Variants in PLPPR1 observed in about 807,000 individuals in gnomAD.
PLPPR1 encodes phospholipid phosphatase related 1, also known as phospholipid phosphatase-related protein type 1.
Under a neutral mutation model 33.1 loss-of-function variants are expected in PLPPR1, and 10 were observed. The ratio of observed to expected loss-of-function variants is 0.30; its 90% CI spans 0.19 to 0.51. PLPPR1 has a LOEUF of 0.51. PLPPR1 is among the 20% of genes least tolerant of loss of function. The pLI is 0.97. For synonymous variants in PLPPR1, 151 were observed against 151.0 expected (o/e 1.00, Z 0.00); for missense variants, 304 against 408.1 (o/e 0.74, Z 2.20).
chr9:101,154,995 A>T (rs1261440781), intron 1 of PLPPR1, among the ~76,000 whole-genome samples: 6 of 150,998 alleles, frequency 4.0e-5, no homozygotes, highest in Admixed American at 4.0e-4. Flanking sequence ...TAGCATTAGG[A>T]GATATACGTA....
At chr9:101,193,602 GT>G (rs973099985) in intron 2 of PLPPR1, among the ~76,000 whole-genome samples, 71 of 152,144 alleles carry the variant, frequency 4.7e-4, no homozygotes, top group African/African-American at 1.7e-3. Context: ...GATTTTTTAT[GT>G]CCCCAAAATT....
At chr9:101,080,905 C>T (rs1292897310) in intron 1 of PLPPR1, among the ~76,000 whole-genome samples, 1 of 152,214 alleles carries the variant, frequency 6.6e-6, no homozygotes, top group South Asian at 2.1e-4. Context: ...TCTTCTAACA[C>T]ATCTTCCTGT....
At chr9:101,071,786 G>A (rs1047863139) in intron 1 of PLPPR1, among the ~76,000 whole-genome samples, 2 of 152,148 alleles carry the variant, frequency 1.3e-5, no homozygotes, top group African/African-American at 4.8e-5. Flanking sequence ...TAAATACTAT[G>A]TCAGGAATAG....
intron 2 of PLPPR1, among the ~76,000 whole-genome samples, chr9:101,243,628 G>T (rs1361472717): frequency 6.6e-6 from 1 of 151,888 alleles, no homozygotes; most frequent in Non-Finnish European, 1.5e-5. Flanking sequence ...GGAACATTAT[G>T]GTTCAGATTG....
At chr9:101,201,975 T>A (rs1826502041) in intron 2 of PLPPR1, among the ~76,000 whole-genome samples, 1 of 152,202 alleles carries the variant, frequency 6.6e-6, no homozygotes, top group Non-Finnish European at 1.5e-5. Context: ...GAAATTAGCA[T>A]ACTTTGACAT....
At chr9:101,120,976 G>A (rs186304231) in intron 1 of PLPPR1, among the ~76,000 whole-genome samples, 4 of 152,194 alleles carry the variant, frequency 2.6e-5, no homozygotes, top group Non-Finnish European at 4.4e-5. Flanking sequence ...CCTAAAGATT[G>A]ATGGGGCTGA....
chr9:101,274,051 T>A (rs1828145009), intron 3 of PLPPR1, among the ~76,000 whole-genome samples: 1 of 152,204 alleles, frequency 6.6e-6, no homozygotes, highest in Non-Finnish European at 1.5e-5. Context: ...ATGACACAAA[T>A]TGAAATGTAG....
intron 1 of PLPPR1, among the ~76,000 whole-genome samples, chr9:101,115,512 G>A (rs1281305558): frequency 6.6e-6 from 1 of 152,208 alleles, no homozygotes; most frequent in Non-Finnish European, 1.5e-5. Flanking sequence ...TGAAAGATGT[G>A]TCTTTTCTTC....
intron 2 of PLPPR1, among the ~76,000 whole-genome samples, chr9:101,197,888 C>T (rs1826426475): frequency 6.6e-6 from 1 of 152,182 alleles, no homozygotes. Flanking sequence ...TATCATTTCT[C>T]AAAGCACAAT....
intron 1 of PLPPR1, among the ~76,000 whole-genome samples, chr9:101,130,371 C>A (rs1174935938): frequency 6.6e-6 from 1 of 152,154 alleles, no homozygotes; most frequent in Non-Finnish European, 1.5e-5. Flanking sequence ...ACTTTATCAG[C>A]TGCATAACCC....
At chr9:101,247,124 C>T (rs1827625036) in intron 2 of PLPPR1, among the ~76,000 whole-genome samples, 1 of 151,916 alleles carries the variant, frequency 6.6e-6, no homozygotes, top group South Asian at 2.1e-4. Context: ...ATTAATTTAC[C>T]ATAAAACCAC....
Position 101,271,302 on chromosome 9 carries a change from G to A in PLPPR1, c.252+1234G>A, listed in dbSNP as rs9696022. 4.7e-3 allele frequency among the ~76,000 whole-genome samples: 714 copies of A among 152,232 alleles called. 5 individuals carry two copies. Among genetic ancestry groups the A allele is most frequent in the African/African-American group, 0.016 (680 of 41,540 alleles). Reference sequence around the variant, plus strand: ...GGACAACTGAATGCTTACCTCATGCGTTGCTGTGGGGCTTAGAAATGACTT... The same window carrying A: ...GGACAACTGAATGCTTACCTCATGCATTGCTGTGGGGCTTAGAAATGACTT... On this transcript the variant is annotated intron_variant, in intron 3 of 7. Coordinates refer to ENST00000374874, the MANE Select transcript of PLPPR1 (RefSeq NM_207299.2).
chr9:101,276,119 A>G (rs555469651), intron 3 of PLPPR1, among the ~76,000 whole-genome samples: 42 of 152,170 alleles, frequency 2.8e-4, no homozygotes, highest in Non-Finnish European at 5.1e-4. Flanking sequence ...GTACTTCCTC[A>G]TAATCTGCCT....
At chr9:101,037,177 C>T (rs2118408813) in intron 1 of PLPPR1, among the ~76,000 whole-genome samples, 1 of 152,160 alleles carries the variant, frequency 6.6e-6, no homozygotes. Context: ...TTATCTTTTT[C>T]CATTCATCAA....
chr9:101,258,842 T>C (rs1233622527), intron 2 of PLPPR1, among the ~76,000 whole-genome samples: 1 of 152,180 alleles, frequency 6.6e-6, no homozygotes, highest in Non-Finnish European at 1.5e-5. Context: ...TGTAGGATTT[T>C]ATATTTATCC....
At chr9:101,177,380 C>T (rs1367669206) in intron 1 of PLPPR1, among the ~76,000 whole-genome samples, 1 of 152,032 alleles carries the variant, frequency 6.6e-6, no homozygotes, top group Admixed American at 6.6e-5. Flanking sequence ...TGTGAATTGA[C>T]TCATTTTCAT....
intron 2 of PLPPR1, among the ~76,000 whole-genome samples, chr9:101,231,362 GTT>G (rs11320655): frequency 1.8e-4 from 26 of 142,736 alleles, no homozygotes; most frequent in East Asian, 2.1e-4. Flanking sequence ...GAGATCGTTT[GTT>G]TTTTTTTTTT....
intron 1 of PLPPR1, among the ~76,000 whole-genome samples, chr9:101,178,570 G>T (rs1826052618): frequency 1.3e-5 from 2 of 152,164 alleles, no homozygotes; most frequent in Non-Finnish European, 2.9e-5. Flanking sequence ...TCATTTTGTG[G>T]CTAAAGAAGT....
At chr9:101,242,279 T>G (rs1827487762) in intron 2 of PLPPR1, among the ~76,000 whole-genome samples, 2 of 151,688 alleles carry the variant, frequency 1.3e-5, no homozygotes, top group Admixed American at 6.6e-5. Context: ...TCGGAAATCT[T>G]GCCATACCCT....
Sources: allele counts gnomAD v4.1 joint callset (sites outside exome capture counted in the v4.1 genomes callset), GRCh38; gene constraint gnomAD v4.1.1; transcripts MANE v1.5; gene names NCBI Gene and HGNC (gene_info 2026-07-23, HGNC 2026-07-21).